Variants in CHRDL1 observed in about 807,000 individuals in gnomAD.
CHRDL1 encodes the protein chordin like 1.
In CHRDL1, 19 loss-of-function variants were observed where a neutral mutation model predicts 40.9. The observed-to-expected ratio is 0.46, with a 90% CI of 0.32 to 0.68. The LOEUF (loss-of-function observed/expected upper bound fraction) is 0.68, where lower values mean the gene tolerates loss of function less well. Among genes scored for constraint, CHRDL1 ranks in the 30% least tolerant of loss-of-function variants. CHRDL1 has a pLI of 0.03. For missense variants in CHRDL1, 329 were observed against 352.1 expected (o/e 0.93, Z 0.53); for synonymous variants, 136 against 123.4 (o/e 1.10, Z -0.68).
At chrX:110,694,998 T>C (rs965974134) in intron 7 of CHRDL1, among the ~76,000 whole-genome samples, 1 of 110,466 alleles carries the variant, frequency 9.1e-6, no homozygotes, top group South Asian at 3.8e-4. Context: ...TGGTAAGCAA[T>C]AGAGGTGAGG....
intron 11 of CHRDL1, 91 bp from the exon 12 acceptor site, chrX:110,676,452 C>A: frequency 1.2e-6 from 1 of 863,595 alleles, no homozygotes; most frequent in Non-Finnish European, 1.6e-6. Context: ...CATGCTTACC[C>A]ACTTACTCAT....
chrX:110,719,057 A>C (rs1299197101), intron 6 of CHRDL1, among the ~76,000 whole-genome samples: 1 of 111,748 alleles, frequency 8.9e-6, no homozygotes, highest in Non-Finnish European at 1.9e-5. Context: ...TAAATACCCC[A>C]ATTCTAGCAC....
chrX:110,750,956 G>A (rs2148497266), intron 4 of CHRDL1, among the ~76,000 whole-genome samples: 1 of 112,012 alleles, frequency 8.9e-6, no homozygotes, highest in South Asian at 3.8e-4. Flanking sequence ...GCCCTCTGGA[G>A]ATCCCACTGC....
chrX:110,745,883 C>T (rs941154869), intron 4 of CHRDL1, among the ~76,000 whole-genome samples: 2 of 111,900 alleles, frequency 1.8e-5, no homozygotes, highest in Non-Finnish European at 3.8e-5. Flanking sequence ...TAGGAAGAGA[C>T]GCCCTTCACT....
At chrX:110,781,714 C>T (rs1378275469) in intron 2 of CHRDL1, among the ~76,000 whole-genome samples, 2 of 111,221 alleles carry the variant, frequency 1.8e-5, no homozygotes, top group Non-Finnish European at 3.8e-5. Context: ...TTCATTTGCA[C>T]ATTTCTAAAA....
At chrX:110,731,918 A>C (rs2071169271) in intron 4 of CHRDL1, among the ~76,000 whole-genome samples, 1 of 110,342 alleles carries the variant, frequency 9.1e-6, no homozygotes, top group South Asian at 3.9e-4. Context: ...AAATATACTA[A>C]AACCAACTTT....
At chrX:110,793,834 G>C (rs1227717167) in intron 1 of CHRDL1, among the ~76,000 whole-genome samples, 1 of 111,825 alleles carries the variant, frequency 8.9e-6, no homozygotes, top group African/African-American at 3.3e-5. Flanking sequence ...GTGAACTGTA[G>C]CATTGCTTCA....
At chrX:110,724,545 G>A (rs1261304746) in intron 4 of CHRDL1, among the ~76,000 whole-genome samples, 1 of 109,469 alleles carries the variant, frequency 9.1e-6, no homozygotes, top group Non-Finnish European at 1.9e-5. Flanking sequence ...TGTGTATCTC[G>A]GGGGTGGGGG....
intron 2 of CHRDL1, among the ~76,000 whole-genome samples, chrX:110,767,598 CAATAAAATAA>C (rs66986770): frequency 0.011 from 944 of 83,077 alleles, 10 homozygotes; most frequent in East Asian, 0.029. Flanking sequence ...ACAAAGGATG[CAATAAAATAA>C]AATAAAATAA....
intron 4 of CHRDL1, among the ~76,000 whole-genome samples, chrX:110,724,238 A>G (rs2071016614): frequency 8.9e-6 from 1 of 112,537 alleles, no homozygotes; most frequent in Admixed American, 9.4e-5. Context: ...CCTCAAAAGA[A>G]TGTGGCTTGA....
intron 4 of CHRDL1, among the ~76,000 whole-genome samples, chrX:110,734,147 C>T (rs1177168006): frequency 9.0e-6 from 1 of 110,866 alleles, no homozygotes; most frequent in African/African-American, 3.3e-5. Flanking sequence ...GTTACAGAAT[C>T]GATTTCTTCT....
intron 4 of CHRDL1, among the ~76,000 whole-genome samples, chrX:110,755,449 G>A (rs772070338): frequency 6.3e-5 from 7 of 111,607 alleles, no homozygotes; most frequent in African/African-American, 1.9e-4. Flanking sequence ...TAGGGGTAAC[G>A]AGTTTAGAAA....
rs1208339602 is a variant in CHRDL1 at position 110,689,496 on chromosome X, A to ATATC, written c.779-697_779-694dup. On this transcript the variant is annotated intron_variant, in intron 8 of 11. Transcript: ENST00000372042. The stretch of plus-strand genomic sequence containing the variant: ...TATATCTATATATCTATATCTCTAT[A>ATATC]TATCTATATATCTATATCTCTATAT... 5.7e-5 allele frequency among the ~76,000 whole-genome samples: 3 copies of ATATC among 52,910 alleles called. 1 individual carries two copies. The highest frequency in any genetic ancestry group is 3.3e-4 in the East Asian group (1 of 2,993). The allele number at this position is 52,910 out of a possible 115,157, so 45.9% of individuals were successfully genotyped here. A position where few individuals can be genotyped will look rare whatever the true frequency, so the allele number is the denominator to read the frequency against.
At chrX:110,681,781 G>A (rs777568390) in intron 9 of CHRDL1, 132 bp from the exon 10 acceptor site, 14 of 504,079 alleles carry the variant, frequency 2.8e-5, no homozygotes, top group Non-Finnish European at 3.6e-5. Context: ...AACATTCTTC[G>A]AGAGACAGAA....
At chrX:110,727,495 T>A (rs2071079383) in intron 4 of CHRDL1, among the ~76,000 whole-genome samples, 1 of 112,246 alleles carries the variant, frequency 8.9e-6, no homozygotes, top group Admixed American at 9.5e-5. Flanking sequence ...AAAATCCTAT[T>A]TGTCCCTAAT....
intron 8 of CHRDL1, among the ~76,000 whole-genome samples, chrX:110,689,072 GTATATATATATATATATATATATATA>G (rs758293619): frequency 4.4e-3 from 137 of 31,166 alleles, no homozygotes; most frequent in Middle Eastern, 0.018. Context: ...ATATATATAT[GTATATATATATATATATATATATATA>G]TATATATATA....
intron 6 of CHRDL1, among the ~76,000 whole-genome samples, chrX:110,705,304 T>TATATATATATATACACAC (rs1491498596): frequency 9.0e-5 from 7 of 77,619 alleles, no homozygotes; most frequent in African/African-American, 4.0e-4. Context: ...TATATATATA[T>TATATATATATATACACAC]ACACACACAC....
At chrX:110,680,631 A>C (rs1330420997) in intron 10 of CHRDL1, among the ~76,000 whole-genome samples, 2 of 111,975 alleles carry the variant, frequency 1.8e-5, no homozygotes, top group Non-Finnish European at 3.8e-5. Context: ...TCCCTGTGTA[A>C]TGGTGATGCA....
chrX:110,689,524 C>CTATA lies in CHRDL1; in HGVS notation c.779-722_779-721insTATA, dbSNP rs1168072528. Among the ~76,000 whole-genome samples the CTATA allele has an allele frequency of 2.3e-3, 52 of 22,826 alleles. 4 individuals are homozygous for CTATA. Among genetic ancestry groups the CTATA allele is most frequent in the African/African-American group, 6.1e-3 (10 of 1,643 alleles). 19.8% of individuals were successfully genotyped at this position (22,826 alleles called of 115,157 possible). A position where few individuals can be genotyped will look rare whatever the true frequency, so the allele number is the denominator to read the frequency against. On this transcript the variant is annotated intron_variant, in intron 8 of 11. Coordinates refer to ENST00000372042, the MANE Select transcript of CHRDL1 (RefSeq NM_001143981.2). ...TCTATATATCTATATCTCTATATAT[C>CTATA]TATCTATATATCTCTATATCTCTAT...
Sources: allele counts gnomAD v4.1 joint callset (sites outside exome capture counted in the v4.1 genomes callset), GRCh38; gene constraint gnomAD v4.1.1; transcripts MANE v1.5; gene names NCBI Gene and HGNC (gene_info 2026-07-23, HGNC 2026-07-21).